GRIK4: variants seen among roughly 807,000 people sequenced by gnomAD.
GRIK4 encodes the protein glutamate ionotropic receptor kainate type subunit 4.
In GRIK4, 40 loss-of-function variants were observed where a neutral mutation model predicts 104.9. The ratio of observed to expected loss-of-function variants is 0.38; its 90% CI spans 0.30 to 0.50. GRIK4 has a LOEUF of 0.50. Ranked by LOEUF, GRIK4 falls within the 20% of genes least tolerant of loss-of-function variation. The pLI, the probability that GRIK4 is intolerant of heterozygous loss-of-function variation, is 0.93. For missense variants in GRIK4, 1,047 were observed against 1,308.1 expected (o/e 0.80, Z 3.08); for synonymous variants, 485 against 524.9 (o/e 0.92, Z 1.04).
At chr11:120,807,970 G>A (rs1952749973) in intron 4 of GRIK4, among the ~76,000 whole-genome samples, 1 of 152,200 alleles carries the variant, frequency 6.6e-6, no homozygotes, top group Non-Finnish European at 1.5e-5. Context: ...AGAACTAGGA[G>A]GTAGGCAGAG....
chr11:120,879,553 T>C (rs1297880250), intron 11 of GRIK4, among the ~76,000 whole-genome samples: 1 of 152,204 alleles, frequency 6.6e-6, no homozygotes, highest in East Asian at 1.9e-4. Context: ...TCAGGATTGT[T>C]TTCTACTATT....
intron 1 of GRIK4, among the ~76,000 whole-genome samples, chr11:120,533,006 C>T (rs1397945243): frequency 1.3e-5 from 2 of 152,134 alleles, no homozygotes; most frequent in East Asian, 3.9e-4. Context: ...GAGAAGTAAA[C>T]AGATGATGCA....
intron 3 of GRIK4, among the ~76,000 whole-genome samples, chr11:120,734,954 G>A (rs916352460): frequency 6.6e-6 from 1 of 152,094 alleles, no homozygotes; most frequent in African/African-American, 2.4e-5. Context: ...AAATTTATCT[G>A]ATAGAATTCT....
intron 4 of GRIK4, among the ~76,000 whole-genome samples, chr11:120,806,930 C>G (rs916141453): frequency 2.6e-5 from 4 of 152,158 alleles, no homozygotes; most frequent in African/African-American, 9.7e-5. Context: ...CCCCTGTTCT[C>G]TTGGGTTCAA....
In GRIK4 at chr11:120,957,625, G is replaced by GTGTGTGTA. The variant is rs375508071; in HGVS notation, c.1874+673_1874+674insGTGTGTAT. ...TGTGTGTGTGTGTGTGTGTGTGTGT[G>GTGTGTGTA]TAGCCTAGAGAGGCAAGTTTGCAGA... On this transcript the variant is annotated intron_variant, in intron 16 of 20. Transcript: ENST00000527524. Among the ~76,000 whole-genome samples, 164 of 144,630 alleles carry GTGTGTGTA rather than the reference G, an allele frequency of 1.1e-3. 1 individual carries two copies. Among genetic ancestry groups the GTGTGTGTA allele is most frequent in the African/African-American group, 2.4e-3 (94 of 38,610 alleles). 94.9% of individuals were successfully genotyped at this position (144,630 alleles called of 152,430 possible).
chr11:120,514,304 A>T (rs1403876304), intron 1 of GRIK4, among the ~76,000 whole-genome samples: 2 of 152,050 alleles, frequency 1.3e-5, no homozygotes, highest in Non-Finnish European at 2.9e-5. Flanking sequence ...ACTTCATTTG[A>T]TCTCTACTAC....
chr11:120,818,924 T>C (rs1471473066), intron 5 of GRIK4, among the ~76,000 whole-genome samples: 2 of 152,220 alleles, frequency 1.3e-5, no homozygotes, highest in African/African-American at 4.8e-5. Context: ...TCAAGGTGGA[T>C]GGCAGATTAT....
rs80303305 is a variant in GRIK4 at position 120,792,334 on chromosome 11, A to G, written c.83-10359A>G. Among the ~76,000 whole-genome samples the G allele has an allele frequency of 6.9e-3, 1,041 of 151,596 alleles. 5 individuals are homozygous for G. The highest frequency in any genetic ancestry group is 0.013 in the Non-Finnish European group (865 of 67,920). ...AGGGATGAGCAGGGAAGCACAATAT[A>G]AGGTTTGACAGAGTCAAGTCAGATC... On this transcript the variant is annotated intron_variant, in intron 3 of 20. Transcript: ENST00000527524.
chr11:120,929,025 G>GTGTGTGTGCGCACA (rs1943423258), intron 13 of GRIK4, among the ~76,000 whole-genome samples: 6 of 50,992 alleles, frequency 1.2e-4, no homozygotes, highest in African/African-American at 2.6e-4. Flanking sequence ...GTGCGCACAT[G>GTGTGTGTGCGCACA]TGTGTGTGTG....
intron 1 of GRIK4, among the ~76,000 whole-genome samples, chr11:120,588,180 C>T (rs1049265298): frequency 9.9e-5 from 15 of 152,152 alleles, no homozygotes; most frequent in African/African-American, 3.6e-4. Context: ...TTGGCCCGCT[C>T]CTGGGGCCAC....
At position 120,640,640 on chromosome 11, in the gene GRIK4, A is replaced by G. The variant is rs1456738725; in HGVS notation, c.-158-13045A>G. Among the ~76,000 whole-genome samples the G allele has an allele frequency of 2.6e-5, 4 of 152,268 alleles. No homozygotes were observed. In the East Asian group the frequency reaches 7.7e-4, roughly 29 times the overall value. On this transcript the variant is annotated intron_variant, in intron 1 of 20. Transcript: ENST00000527524. ...CATGTAACTTTCTTTTAACCATAAC[A>G]AGGAGGGAGAACTGTTTCCTGCCTT...
chr11:120,913,600 T>C lies in GRIK4; in HGVS notation c.1476+8107T>C, dbSNP rs1943044904. Among the ~76,000 whole-genome samples the C allele has an allele frequency of 3.3e-5, 5 of 151,926 alleles. No homozygotes were observed. The South Asian group carries it at 1.0e-3, about 32-fold the overall frequency. On this transcript the variant is annotated intron_variant, in intron 13 of 20. Transcript: ENST00000527524. The stretch of plus-strand genomic sequence containing the variant: ...GGCATTCAACTCCATGTTGGCGGAA[T>C]GGCACATTTAAGTTCAAAGAGAAAA...
At chr11:120,879,348 C>G (rs1592028398) in intron 11 of GRIK4, among the ~76,000 whole-genome samples, 1 of 152,312 alleles carries the variant, frequency 6.6e-6, no homozygotes, top group East Asian at 1.9e-4. Context: ...ATGGCATCTT[C>G]TCATTGGGGC....
chr11:120,903,194 C>T lies in GRIK4; in HGVS notation c.1273-2096C>T, dbSNP rs1355187748. 6.6e-6 allele frequency among the ~76,000 whole-genome samples: 1 copy of T among 152,148 alleles called. No individual in the cohort carries two copies. The highest frequency in any genetic ancestry group is 1.5e-5 in the Non-Finnish European group (1 of 68,004). On this transcript the variant is annotated intron_variant, in intron 12 of 20. Coordinates refer to ENST00000527524, the MANE Select transcript of GRIK4 (RefSeq NM_014619.5). The surrounding 1 kb of genome is among the most constrained non-coding windows in gnomAD (Gnocchi z 4.4). ...CTGTACCCAAGCCCGATTGTCCCTG[C>T]CACCCCTGCTCCCAGCTGCCTGTCT...
chr11:120,542,342 A>C (rs1042552244), intron 1 of GRIK4, among the ~76,000 whole-genome samples: 13 of 152,260 alleles, frequency 8.5e-5, no homozygotes, highest in African/African-American at 3.1e-4. Flanking sequence ...ACCTGAAATC[A>C]TAAAAATCCT....
chr11:120,921,671 T>C (rs9667804), intron 13 of GRIK4, among the ~76,000 whole-genome samples: 4,280 of 152,184 alleles, frequency 0.028, 226 homozygotes, highest in African/African-American at 0.097. Flanking sequence ...CGCGGCCCCA[T>C]CTCACTTCCC....
At chr11:120,936,097 C>T (rs916387461) in intron 13 of GRIK4, 10 of 219,558 alleles carry the variant, frequency 4.6e-5, no homozygotes, top group Non-Finnish European at 6.5e-5. Context: ...CCTTGTTTTC[C>T]GCCTCTTCCT....
intron 4 of GRIK4, among the ~76,000 whole-genome samples, chr11:120,806,703 T>G (rs1952719769): frequency 6.6e-6 from 1 of 152,216 alleles, no homozygotes; most frequent in South Asian, 2.1e-4. Flanking sequence ...CACATCACAC[T>G]TAATGAATCC....
intron 1 of GRIK4, among the ~76,000 whole-genome samples, chr11:120,628,528 C>T (rs1949288689): frequency 6.6e-6 from 1 of 152,148 alleles, no homozygotes; most frequent in African/African-American, 2.4e-5. Context: ...AGCTGTGCTC[C>T]CGAGGGCCCT....
Sources: allele counts gnomAD v4.1 joint callset (sites outside exome capture counted in the v4.1 genomes callset), GRCh38; gene constraint gnomAD v4.1.1; non-coding constraint Gnocchi (gnomAD v3.1); transcripts MANE v1.5; gene names NCBI Gene and HGNC (gene_info 2026-07-23, HGNC 2026-07-21).